FLNB: variants seen among roughly 807,000 people sequenced by gnomAD.
FLNB encodes the protein filamin B, also known as filamin-B.
Under a neutral mutation model 250.6 loss-of-function variants are expected in FLNB, and 111 were observed. The observed-to-expected ratio is 0.44, with a 90% CI of 0.38 to 0.52. The LOEUF (loss-of-function observed/expected upper bound fraction) is 0.52. Ranked by LOEUF, FLNB falls within the 20% of genes least tolerant of loss-of-function variation. The pLI is 0.00. For synonymous variants in FLNB, 1,302 were observed against 1,372.1 expected (o/e 0.95, Z 1.13); for missense variants, 2,869 against 3,447.8 (o/e 0.83, Z 4.20).
intron 1 of FLNB, among the ~76,000 whole-genome samples, chr3:58,066,531 T>G (rs1447973139): frequency 6.6e-6 from 1 of 152,236 alleles, no homozygotes; most frequent in Non-Finnish European, 1.5e-5. Context: ...TTTGTTTCCC[T>G]TCTTCGACCT....
chr3:58,036,886 C>G (rs1010416789), intron 1 of FLNB, among the ~76,000 whole-genome samples: 1 of 152,068 alleles, frequency 6.6e-6, no homozygotes, highest in African/African-American at 2.4e-5. Flanking sequence ...CTTTCACTGT[C>G]TATAATTTTT....
intron 2 of FLNB, among the ~76,000 whole-genome samples, chr3:58,077,812 C>A (rs2097203775): frequency 6.6e-6 from 1 of 152,048 alleles, no homozygotes; most frequent in Admixed American, 6.6e-5. Flanking sequence ...CCTTTTCCAC[C>A]CTTGATGGGC....
chr3:58,018,723 G>GGCC (rs2097109433), intron 1 of FLNB, among the ~76,000 whole-genome samples: 1 of 151,898 alleles, frequency 6.6e-6, no homozygotes, highest in Non-Finnish European at 1.5e-5. Flanking sequence ...TCAGCATGTT[G>GGCC]GCCAGGCTGG....
At chr3:58,152,565 TA>T in intron 38 of FLNB, 1 of 243,924 alleles carries the variant, frequency 4.1e-6, no homozygotes, top group Non-Finnish European at 8.6e-6. Context: ...TATCTAATCC[TA>T]ATTGCCTCCT....
At chr3:58,049,727 A>C (rs1166760583) in intron 1 of FLNB, among the ~76,000 whole-genome samples, 1 of 152,202 alleles carries the variant, frequency 6.6e-6, no homozygotes, top group African/African-American at 2.4e-5. Flanking sequence ...AATGCCCTGG[A>C]AAAATTGGCT....
At position 58,124,439 on chromosome 3, in the gene FLNB, A is replaced by G. The variant is rs2107179717; in HGVS notation, c.3832A>G (p.Thr1278Ala). 2 of 1,614,194 alleles carry G rather than the reference A, an allele frequency of 1.2e-6. No homozygotes were observed. Among genetic ancestry groups the G allele is most frequent in the East Asian group, 2.2e-5 (1 of 44,886 alleles). ...AHIANPSGAS[T>A]ECFVTDNADG... ...CATTGCCAACCCCTCAGGGGCCTCC[A>G]CCGAGTGCTTTGTCACAGACAATGC... is the stretch of plus-strand genomic sequence containing the variant. The change falls in exon 22 of 46, where the codon ACC (threonine) becomes GCC (alanine). Residue 1278 changes from threonine to alanine, a missense_variant. Physicochemically the swap from Thr to Ala is moderately conservative, Grantham distance 58. This residue lies in a region of FLNB where 1,348 missense variants were observed against 1,466.7 expected (regional missense o/e 0.92). Transcript: ENST00000295956.
intron 1 of FLNB, among the ~76,000 whole-genome samples, chr3:58,048,581 T>TG (rs2097157686): frequency 6.6e-6 from 1 of 152,226 alleles, no homozygotes; most frequent in Non-Finnish European, 1.5e-5. Context: ...GTGCTAAGTG[T>TG]GGTCACCTGC....
At chr3:58,149,476 TA>T (rs757055809) in intron 36 of FLNB, 1 of 319,604 alleles carries the variant, frequency 3.1e-6, no homozygotes, top group Non-Finnish European at 5.9e-6. Context: ...AGGGGCTATT[TA>T]AAAATTCAAA....
chr3:58,129,508 A>T (rs2097303042), intron 24 of FLNB, among the ~76,000 whole-genome samples: 1 of 152,046 alleles, frequency 6.6e-6, no homozygotes, highest in Non-Finnish European at 1.5e-5. Context: ...TCACTCTCTA[A>T]AGTAAAGCCC....
At chr3:58,058,285 G>A (rs2097173326) in intron 1 of FLNB, among the ~76,000 whole-genome samples, 1 of 152,178 alleles carries the variant, frequency 6.6e-6, no homozygotes, top group Non-Finnish European at 1.5e-5. Context: ...GCAGTTGGCT[G>A]GAGGTTCTGA....
At chr3:58,162,266 C>A (rs960404086) in intron 42 of FLNB, among the ~76,000 whole-genome samples, 18 of 152,110 alleles carry the variant, frequency 1.2e-4, no homozygotes, top group African/African-American at 4.3e-4. Flanking sequence ...CGAGAGACTA[C>A]CTGGAGAGGT....
At chr3:58,154,263 C>G (rs1409672299) in intron 39 of FLNB, among the ~76,000 whole-genome samples, 3 of 151,668 alleles carry the variant, frequency 2.0e-5, no homozygotes, top group Non-Finnish European at 4.4e-5. Flanking sequence ...GTATTCAGGG[C>G]TGGGCGTGGT....
chr3:58,110,586 G>A (rs1234054566), intron 16 of FLNB, among the ~76,000 whole-genome samples: 1 of 152,118 alleles, frequency 6.6e-6, no homozygotes, highest in Non-Finnish European at 1.5e-5. Flanking sequence ...AAGTAGCTGG[G>A]ATTACAGGCC....
chr3:58,014,261 C>G (rs370981093), intron 1 of FLNB, among the ~76,000 whole-genome samples: 5 of 152,318 alleles, frequency 3.3e-5, no homozygotes, highest in Admixed American at 3.3e-4. Flanking sequence ...TGCTAAAATA[C>G]GGCTATGGAC....
At chr3:58,058,605 T>A (rs903298743) in intron 1 of FLNB, among the ~76,000 whole-genome samples, 1 of 152,214 alleles carries the variant, frequency 6.6e-6, no homozygotes, top group Non-Finnish European at 1.5e-5. Flanking sequence ...TCATAAACAC[T>A]GGCTAAGGAT....
At chr3:58,117,007 G>A (rs1264190626) in intron 18 of FLNB, among the ~76,000 whole-genome samples, 1 of 152,178 alleles carries the variant, frequency 6.6e-6, no homozygotes, top group Non-Finnish European at 1.5e-5. Context: ...GGTGCTGAGG[G>A]TGGCTCTCTC....
intron 32 of FLNB, 73 bp from the exon 33 acceptor site, chr3:58,145,848 G>A: frequency 6.2e-7 from 1 of 1,602,028 alleles, no homozygotes; most frequent in Non-Finnish European, 8.6e-7. Context: ...TGGACGTCAA[G>A]ATGCCAGTTG....
chr3:58,095,350 C>T (rs1315828880), intron 5 of FLNB, among the ~76,000 whole-genome samples: 1 of 152,134 alleles, frequency 6.6e-6, no homozygotes, highest in African/African-American at 2.4e-5. Context: ...AGGCGATTCT[C>T]CTGCCTCAGC....
intron 1 of FLNB, among the ~76,000 whole-genome samples, chr3:58,050,279 C>A (rs1294931260): frequency 6.6e-6 from 1 of 152,146 alleles, no homozygotes; most frequent in Non-Finnish European, 1.5e-5. Flanking sequence ...CCACCCGCCT[C>A]GGCCTCCCAA....
Sources: gnomAD v4.1 joint callset for allele counts (sites outside exome capture counted in the v4.1 genomes callset) on GRCh38, gnomAD v4.1.1 for gene constraint, gnomAD v4.1.1 regional missense constraint, MANE v1.5 for transcripts, NCBI Gene and HGNC (gene_info 2026-07-23, HGNC 2026-07-21) for gene names.